Variants in UNC13C observed in about 807,000 individuals in gnomAD.
The protein encoded by UNC13C is protein unc-13 homolog C.
UNC13C carries 174 observed loss-of-function variants against 245.4 expected under a neutral mutation model. The observed-to-expected ratio is 0.71, with a 90% CI of 0.63 to 0.80. The LOEUF is 0.80. Among genes scored for constraint, UNC13C ranks in the 30% least tolerant of loss-of-function variants. UNC13C has a pLI of 0.00. For synonymous variants in UNC13C, 992 were observed against 895.1 expected (o/e 1.11, Z -1.93); for missense variants, 2,829 against 2,602.9 (o/e 1.09, Z -1.89).
the UNC13C span, among the ~76,000 whole-genome samples, chr15:53,950,133 G>A: frequency 6.6e-6 from 1 of 152,306 alleles, no homozygotes; most frequent in African/African-American, 2.4e-5. Flanking sequence ...ACTGAAAGAG[G>A]CATCTCTACT....
At chr15:53,860,716 C>CT in the UNC13C span, among the ~76,000 whole-genome samples, 4 of 152,120 alleles carry the variant, frequency 2.6e-5, 1 homozygote, top group Middle Eastern at 6.3e-3. Flanking sequence ...ATCTTTTAGA[C>CT]TTTTTTTCTG....
intron 19 of UNC13C, among the ~76,000 whole-genome samples, chr15:54,478,096 T>C (rs1892878090): frequency 6.6e-6 from 1 of 151,912 alleles, no homozygotes; most frequent in South Asian, 2.1e-4. Context: ...TTTATTTGCG[T>C]AGAGGTGTTT....
intron 19 of UNC13C, among the ~76,000 whole-genome samples, chr15:54,473,303 A>T (rs1224751331): frequency 6.6e-6 from 1 of 151,944 alleles, no homozygotes; most frequent in African/African-American, 2.4e-5. Context: ...TAATGATCAA[A>T]TCAGGGTAAT....
intron 30 of UNC13C, among the ~76,000 whole-genome samples, chr15:54,569,562 G>A (rs529814504): frequency 6.6e-6 from 1 of 152,110 alleles, no homozygotes; most frequent in South Asian, 2.1e-4. Context: ...CCGACTGTGT[G>A]TGTGTGTGTG....
chr15:54,574,002 C>A (rs139279114), intron 30 of UNC13C, among the ~76,000 whole-genome samples: 1 of 152,266 alleles, frequency 6.6e-6, no homozygotes, highest in Non-Finnish European at 1.5e-5. Context: ...AGAAACTCTC[C>A]AGGAAAGTAC....
intron 10 of UNC13C, among the ~76,000 whole-genome samples, chr15:54,275,043 GA>G (rs1220689505): frequency 3.9e-5 from 6 of 152,048 alleles, no homozygotes; most frequent in African/African-American, 1.4e-4. Context: ...GGGGAAAACA[GA>G]AAGCAAATAG....
intron 28 of UNC13C, among the ~76,000 whole-genome samples, chr15:54,550,491 CAA>C (rs1896688299): frequency 6.6e-6 from 1 of 152,084 alleles, no homozygotes; most frequent in South Asian, 2.1e-4. Context: ...GCTGGTAGCT[CAA>C]AGTTAGGTGC....
At chr15:54,321,327 C>G in intron 13 of UNC13C, 1 of 469,034 alleles carries the variant, frequency 2.1e-6, no homozygotes, top group Non-Finnish European at 4.2e-6. Context: ...TGGGTGATGT[C>G]CTTCAATGTC....
intron 2 of UNC13C, among the ~76,000 whole-genome samples, chr15:54,054,792 T>C (rs1030965922): frequency 6.6e-6 from 1 of 151,254 alleles, no homozygotes; most frequent in African/African-American, 2.4e-5. Context: ...TTCACGAACA[T>C]ATTTATTTTT....
chr15:54,383,016 C>A (rs1409896298), intron 17 of UNC13C, among the ~76,000 whole-genome samples: 1 of 152,106 alleles, frequency 6.6e-6, no homozygotes, highest in Admixed American at 6.5e-5. Flanking sequence ...GAAATCTAAA[C>A]AGGCCAATAA....
At position 54,475,668 on chromosome 15, in the gene UNC13C, T is replaced by C. The variant is rs1451903035; in HGVS notation, c.4934-18940T>C. Among the ~76,000 whole-genome samples the C allele has an allele frequency of 6.7e-5, 10 of 149,184 alleles. 2 individuals are homozygous for C. The highest frequency in any genetic ancestry group is 5.4e-4 in the Admixed American group (8 of 14,896). On this transcript the variant is annotated intron_variant, in intron 19 of 32. Transcript: ENST00000260323. ...TTTTTTATGGCTGCATAGTATTCCATGGTGTATATGTGCCACATTTTCTTA... is the reference window on the plus strand; with the variant it reads ...TTTTTTATGGCTGCATAGTATTCCACGGTGTATATGTGCCACATTTTCTTA...
At chr15:54,138,953 A>ATTTTTTTTTT (rs56255946) in intron 2 of UNC13C, among the ~76,000 whole-genome samples, 4,980 of 48,410 alleles carry the variant, frequency 0.1, 1,642 homozygotes, top group Middle Eastern at 0.18. Flanking sequence ...ATTTCCCCTA[A>ATTTTTTTTTT]TTTTTTTTTT....
intron 2 of UNC13C, among the ~76,000 whole-genome samples, chr15:54,114,013 C>T (rs1356284966): frequency 1.3e-5 from 2 of 152,166 alleles, no homozygotes; most frequent in Non-Finnish European, 2.9e-5. Flanking sequence ...TGCATTTACT[C>T]AGGGTCTTCC....
the UNC13C span, among the ~76,000 whole-genome samples, chr15:53,944,871 C>T: frequency 6.6e-6 from 1 of 152,160 alleles, no homozygotes; most frequent in Non-Finnish European, 1.5e-5. Context: ...AATTAAGTTA[C>T]TCTCCCACCA....
At chr15:53,987,766 G>A (rs150886804) in intron 1 of UNC13C, among the ~76,000 whole-genome samples, 6 of 151,978 alleles carry the variant, frequency 3.9e-5, no homozygotes, top group East Asian at 1.9e-4. Flanking sequence ...ATGTGACTGC[G>A]TTTACATTTT....
chr15:54,168,956 G>T (rs1220393734), intron 4 of UNC13C, among the ~76,000 whole-genome samples: 3 of 152,174 alleles, frequency 2.0e-5, no homozygotes, highest in Admixed American at 2.0e-4. Flanking sequence ...CTAAGGGTGT[G>T]TCTGAAAACA....
chr15:54,512,980 CTT>C (rs1355554599), intron 24 of UNC13C, among the ~76,000 whole-genome samples: 1 of 152,090 alleles, frequency 6.6e-6, no homozygotes, highest in Admixed American at 6.6e-5. Flanking sequence ...TGATGCAAAA[CTT>C]TAAAAAAATG....
At chr15:54,572,857 G>A (rs1424620723) in intron 30 of UNC13C, among the ~76,000 whole-genome samples, 1 of 152,062 alleles carries the variant, frequency 6.6e-6, no homozygotes, top group Admixed American at 6.6e-5. Flanking sequence ...AGAAATCTAA[G>A]TGCACTTTTA....
chr15:54,154,914 A>G (rs2032677496), intron 4 of UNC13C, among the ~76,000 whole-genome samples: 4 of 152,354 alleles, frequency 2.6e-5, no homozygotes, highest in South Asian at 4.1e-4. Flanking sequence ...AATAATAAGA[A>G]CTGTCTTTGT....
Sources: allele counts gnomAD v4.1 joint callset (sites outside exome capture counted in the v4.1 genomes callset), GRCh38; gene constraint gnomAD v4.1.1; transcripts MANE v1.5; gene names NCBI Gene and HGNC (gene_info 2026-07-23, HGNC 2026-07-21).